TRIM33: variants seen among roughly 807,000 people sequenced by gnomAD.
The protein encoded by TRIM33 is tripartite motif containing 33.
In TRIM33, 20 loss-of-function variants were observed where a neutral mutation model predicts 125.4. That is an observed-to-expected ratio of 0.16 (90% CI 0.11 to 0.23). The LOEUF (loss-of-function observed/expected upper bound fraction) is 0.23, where lower values mean the gene tolerates loss of function less well. TRIM33 is among the 10% of genes least tolerant of loss of function. The pLI, the probability that TRIM33 is intolerant of heterozygous loss-of-function variation, is 1.00. For missense variants in TRIM33, 920 were observed against 1,411.4 expected (o/e 0.65, Z 5.58); for synonymous variants, 564 against 513.9 (o/e 1.10, Z -1.32).
chr1:114,419,418 A>G (rs1322128572), intron 11 of TRIM33, among the ~76,000 whole-genome samples: 1 of 152,172 alleles, frequency 6.6e-6, no homozygotes, highest in Admixed American at 6.5e-5. Context: ...AGGCGGTTAT[A>G]CGAACCTCTC....
chr1:114,476,395 A>T (rs1650979636), intron 1 of TRIM33, among the ~76,000 whole-genome samples: 1 of 152,152 alleles, frequency 6.6e-6, no homozygotes, highest in Non-Finnish European at 1.5e-5. Context: ...AAAAAAATGC[A>T]GCAGAAACAG....
intron 1 of TRIM33, among the ~76,000 whole-genome samples, chr1:114,492,397 T>TGTATACAA (rs1229546718): frequency 6.6e-6 from 1 of 152,254 alleles, no homozygotes; most frequent in Non-Finnish European, 1.5e-5. Flanking sequence ...ATGTATATTA[T>TGTATACAA]GTATACAAGT....
intron 1 of TRIM33, among the ~76,000 whole-genome samples, chr1:114,504,047 G>A (rs990472382): frequency 1.3e-5 from 2 of 152,192 alleles, no homozygotes; most frequent in Non-Finnish European, 2.9e-5. Flanking sequence ...TTTCATAAAG[G>A]ATATTAAGTG....
rs1012065006 is a variant in TRIM33 at position 114,427,999 on chromosome 1, G to C, written c.1156-105C>G. 11 of 1,166,658 alleles carry C rather than the reference G, an allele frequency of 9.4e-6. No homozygotes were observed. In the African/African-American group the frequency reaches 1.7e-4, roughly 18 times the overall value. The allele number at this position is 1,166,658 out of a possible 1,614,324, so 72.3% of individuals were successfully genotyped here. On this transcript the variant is annotated intron_variant, in intron 6 of 19. Coordinates refer to ENST00000358465, the MANE Select transcript of TRIM33 (RefSeq NM_015906.4). ...ATACCTATACTTCCTTTAAAAATGG[G>C]CTAAGTGAATAAGCTCCATGATTAT...
intron 1 of TRIM33, among the ~76,000 whole-genome samples, chr1:114,471,979 C>T (rs1428532938): frequency 1.3e-5 from 2 of 152,104 alleles, no homozygotes; most frequent in East Asian, 3.9e-4. Flanking sequence ...CTATATATAT[C>T]TTTAGTTACG....
intron 1 of TRIM33, chr1:114,468,384 T>C (rs1393620225): frequency 1.2e-5 from 4 of 329,054 alleles, no homozygotes; most frequent in African/African-American, 9.1e-5. Flanking sequence ...AGCAGTCCTT[T>C]AGTTAGAGGA....
chr1:114,420,374 T>A (rs1653201717), intron 11 of TRIM33: 1 of 1,329,414 alleles, frequency 7.5e-7, no homozygotes, highest in African/African-American at 1.5e-5. Context: ...ACAACAAAGA[T>A]CTAACCACAT....
chr1:114,467,289 A>G (rs927413132), intron 1 of TRIM33, among the ~76,000 whole-genome samples: 1 of 152,192 alleles, frequency 6.6e-6, no homozygotes, highest in African/African-American at 2.4e-5. Context: ...GAAATTCTAG[A>G]TGATTCCCAA....
chr1:114,413,744 A>G (rs1652750596), intron 11 of TRIM33, among the ~76,000 whole-genome samples: 1 of 151,744 alleles, frequency 6.6e-6, no homozygotes. Flanking sequence ...CAGGATGGCC[A>G]GGTTGGCTCA....
intron 1 of TRIM33, among the ~76,000 whole-genome samples, chr1:114,483,078 G>C (rs11583976): frequency 0.14 from 20,650 of 152,114 alleles, 1,772 homozygotes; most frequent in Non-Finnish European, 0.19. Flanking sequence ...GCTGAGATGG[G>C]AGGATCACTT....
At chr1:114,443,698 C>T (rs1055087561) in intron 4 of TRIM33, among the ~76,000 whole-genome samples, 13 of 151,010 alleles carry the variant, frequency 8.6e-5, no homozygotes, top group African/African-American at 2.7e-4. Flanking sequence ...TCTAAAATTA[C>T]TCTACTCTAA....
At position 114,425,700 on chromosome 1, in the gene TRIM33, G is replaced by C. The variant is rs143062910; in HGVS notation, c.1444C>G (p.Pro482Ala). The C allele has an allele frequency of 1.9e-6, 3 of 1,612,142 alleles. No individual in the cohort carries two copies. Among genetic ancestry groups the C allele is most frequent in the Non-Finnish European group, 2.5e-6 (3 of 1,179,230 alleles). ...NLGNLVIESK[P>A]APGYTPNVVV... ...ACATTAGGAGTATAACCAGGAGCTG[G>C]TTTACTCTCTATTACTAGATTACCT... The change falls in exon 9 of 20, where the codon CCA becomes GCA. Residue 482 changes from proline to alanine, a missense_variant. Physicochemically the swap from Pro to Ala is conservative, Grantham distance 27. This residue lies in a region of TRIM33 where 407 missense variants were observed against 589.7 expected (regional missense o/e 0.69). Coordinates refer to ENST00000358465, the MANE Select transcript of TRIM33 (RefSeq NM_015906.4).
chr1:114,417,950 C>T (rs1252524219), intron 11 of TRIM33, among the ~76,000 whole-genome samples: 1 of 152,192 alleles, frequency 6.6e-6, no homozygotes. Flanking sequence ...GCCACTGCAC[C>T]CAGCCTAAAA....
At chr1:114,431,345 T>TA (rs1234734406) in intron 5 of TRIM33, among the ~76,000 whole-genome samples, 1 of 152,246 alleles carries the variant, frequency 6.6e-6, no homozygotes, top group Non-Finnish European at 1.5e-5. Flanking sequence ...CATAGAAGCA[T>TA]TTATTTTCAT....
chr1:114,473,488 G>C (rs1227668427), intron 1 of TRIM33, among the ~76,000 whole-genome samples: 1 of 152,084 alleles, frequency 6.6e-6, no homozygotes, highest in Non-Finnish European at 1.5e-5. Context: ...GAGTGACGGG[G>C]TGAGTGGTTT....
intron 13 of TRIM33, 77 bp from the exon 14 acceptor site, chr1:114,407,177 T>C: frequency 1.6e-6 from 2 of 1,278,552 alleles, no homozygotes; most frequent in South Asian, 2.9e-5. Flanking sequence ...TGAAAAGTAA[T>C]GTTCACTAAA....
intron 1 of TRIM33, 34 bp from the exon 2 acceptor site, chr1:114,464,422 C>G: frequency 2.4e-6 from 3 of 1,273,730 alleles, no homozygotes; most frequent in Non-Finnish European, 3.3e-6. Context: ...TTAAAATATT[C>G]TTCAGGAATA....
In TRIM33 at chr1:114,421,527, G is replaced by A; in HGVS notation, c.1970C>T (p.Pro657Leu). 2 of 1,614,102 alleles carry A rather than the reference G, an allele frequency of 1.2e-6. No individual in the cohort carries two copies. The highest frequency in any genetic ancestry group is 1.7e-6 in the Non-Finnish European group (2 of 1,180,014). The change falls in exon 11 of 20, where the codon CCC becomes CTC. Residue 657 changes from proline (P) to leucine (L), a missense_variant. By Grantham distance (98) the Pro-to-Leu change is moderately conservative (BLOSUM62 -3). Around this residue, in one of 8 missense-constraint regions of TRIM33, gnomAD observed 407 missense variants for 589.7 expected, o/e 0.69. Coordinates refer to ENST00000358465, the MANE Select transcript of TRIM33 (RefSeq NM_015906.4). Reference protein sequence around the residue: ...TATMANANRGPTSPSVTAIEL... With the variant: ...TATMANANRGLTSPSVTAIEL... ...TATTGCTGTAACAGATGGGCTGGTG[G>A]GACCTCGGTTTGCATTTGCCATAGT...
At chr1:114,412,376 C>T (rs1173440345) in intron 11 of TRIM33, among the ~76,000 whole-genome samples, 1 of 152,132 alleles carries the variant, frequency 6.6e-6, no homozygotes, top group Non-Finnish European at 1.5e-5. Context: ...AAATGATGTA[C>T]AATAAACTAA....
Sources: allele counts gnomAD v4.1 joint callset (sites outside exome capture counted in the v4.1 genomes callset), GRCh38; gene constraint gnomAD v4.1.1; regional missense constraint gnomAD v4.1.1; transcripts MANE v1.5; gene names NCBI Gene and HGNC (gene_info 2026-07-23, HGNC 2026-07-21).